Variants in CRABP2 observed in about 807,000 individuals in gnomAD.
CRABP2 encodes the protein cellular retinoic acid-binding protein 2.
A neutral mutation model predicts 17.9 loss-of-function variants in CRABP2; 20 were observed. The observed-to-expected ratio is 1.12, with a 90% CI of 0.79 to 1.63. The LOEUF (loss-of-function observed/expected upper bound fraction) is 1.63. CRABP2 is among the 40% of genes most tolerant of loss of function. CRABP2 has a pLI of 0.00. For missense variants in CRABP2, 151 were observed against 168.6 expected, an observed-to-expected ratio of 0.90 and a Z score of 0.58; for synonymous variants, 76 against 66.4, an observed-to-expected ratio of 1.14 and a Z score of -0.70.
intron 1 of CRABP2, among the ~76,000 whole-genome samples, chr1:156,701,634 G>GC (rs1648035540): frequency 6.6e-6 from 1 of 151,896 alleles, no homozygotes; most frequent in Non-Finnish European, 1.5e-5. Flanking sequence ...CCCAATTTCT[G>GC]CCCCACAGCA....
In CRABP2 at chr1:156,700,015, C is replaced by T. The variant is rs764336813; in HGVS notation, c.*11G>A. 5.4e-5 allele frequency: 87 copies of T among 1,612,268 alleles called. No homozygotes were observed. Among genetic ancestry groups the T allele is most frequent in the Non-Finnish European group, 7.0e-5 (82 of 1,179,254 alleles). On this transcript the variant is annotated 3_prime_UTR_variant, in exon 4 of 4. Coordinates refer to ENST00000368222, the MANE Select transcript of CRABP2 (RefSeq NM_001878.4). ...GTGGTGGGCTTCGGCCGCGGTTCTA[C>T]CTGTGGCCACTCACTCTCGGACGTA...
chr1:156,702,589 G>A (rs112027306), intron 1 of CRABP2, among the ~76,000 whole-genome samples: 6,941 of 151,558 alleles, frequency 0.046, 188 homozygotes, highest in African/African-American at 0.05. Context: ...CCTGACCAAC[G>A]TGGAGAAACC....
chr1:156,705,471 C>A lies in CRABP2; in HGVS notation c.-25G>T. The A allele has an allele frequency of 6.2e-7, 1 of 1,613,022 alleles. No homozygotes were observed. The highest frequency in any genetic ancestry group is 2.2e-5 in the East Asian group (1 of 44,880). ...TGGTGGCGGCGCGGGAGGCGGTCCCCGTAGACTCCTAGGCTGGAGCACTGG... is the reference window on the plus strand; with the variant it reads ...TGGTGGCGGCGCGGGAGGCGGTCCCAGTAGACTCCTAGGCTGGAGCACTGG... On this transcript the variant is annotated 5_prime_UTR_variant, in exon 1 of 4. Coordinates refer to ENST00000368222, the MANE Select transcript of CRABP2 (RefSeq NM_001878.4). This position sits in a 1 kb window ranked among gnomAD's most constrained non-coding sequence, Gnocchi z 5.2.
chr1:156,703,031 TAAAAAAAAAAAA>T (rs5778001), intron 1 of CRABP2, among the ~76,000 whole-genome samples: 2 of 86,206 alleles, frequency 2.3e-5, no homozygotes, highest in African/African-American at 9.1e-5. Context: ...ACCCTACCAC[TAAAAAAAAAAAA>T]AAAAAAAAAA....
chr1:156,702,868 T>C (rs1164227190), intron 1 of CRABP2, among the ~76,000 whole-genome samples: 1 of 144,318 alleles, frequency 6.9e-6, no homozygotes, highest in Non-Finnish European at 1.5e-5. Context: ...CAGGAAACAA[T>C]AGCTATGATT....
Position 156,700,079 on chromosome 1 carries a change from G to A in CRABP2, c.367-3C>T, listed in dbSNP as rs757882040. 58 of 1,613,420 alleles carry A rather than the reference G, an allele frequency of 3.6e-5. No homozygotes were observed. The highest frequency in any genetic ancestry group is 4.5e-5 in the Non-Finnish European group (53 of 1,179,658). ...ACAACGTCATCCGCCGTCATGGTCT[G>A]GAAGGACAGAAGTAGTTGTTAGCCT... On this transcript the variant is annotated splice_polypyrimidine_tract_variant and splice_region_variant and intron_variant, in intron 3 of 3. Transcript: ENST00000368222.
At chr1:156,705,651 G>T, upstream of CRABP2, 2 of 497,602 alleles carry the variant, frequency 4.0e-6, no homozygotes, top group Non-Finnish European at 7.1e-6. The surrounding 1 kb of genome is among the most constrained non-coding windows in gnomAD (Gnocchi z 5.2). Flanking sequence ...GATTGAAGTG[G>T]CCCCGCCTCC....
At chr1:156,700,322 C>T (rs1647989440) in intron 3 of CRABP2, among the ~76,000 whole-genome samples, 1 of 152,148 alleles carries the variant, frequency 6.6e-6, no homozygotes. Flanking sequence ...GCTGGGATCC[C>T]TCAGTACATG....
In CRABP2 at chr1:156,700,084, G is replaced by A. The variant is rs1647982765; in HGVS notation, c.367-8C>T. On this transcript the variant is annotated splice_polypyrimidine_tract_variant and splice_region_variant and intron_variant, in intron 3 of 3. Transcript: ENST00000368222. ...GTCATCCGCCGTCATGGTCTGGAAG[G>A]ACAGAAGTAGTTGTTAGCCTGAGAG... 2 of 1,613,054 alleles carry A rather than the reference G, an allele frequency of 1.2e-6. No homozygotes were observed. The highest frequency in any genetic ancestry group is 1.7e-5 in the Admixed American group (1 of 59,912).
chr1:156,699,814 C>A lies in CRABP2; in HGVS notation c.*212G>T. ...GTGAACCCGGAATGGGTGATCTGGG[C>A]TCTTGCAGCCATTCCTCTTTGTTGG... On this transcript the variant is annotated 3_prime_UTR_variant, in exon 4 of 4. Coordinates refer to ENST00000368222, the MANE Select transcript of CRABP2 (RefSeq NM_001878.4). 1.8e-6 allele frequency: 1 copy of A among 554,366 alleles called. No individual in the cohort carries two copies. The highest frequency in any genetic ancestry group is 3.2e-6 in the Non-Finnish European group (1 of 309,646). 34.3% of individuals were successfully genotyped at this position (554,366 alleles called of 1,614,324 possible).
Position 156,699,937 on chromosome 1 carries a change from G to A in CRABP2, c.*89C>T. The A allele has an allele frequency of 1.4e-6, 2 of 1,394,316 alleles. No homozygotes were observed. Among genetic ancestry groups the A allele is most frequent in the Non-Finnish European group, 9.9e-7 (1 of 1,005,210 alleles). 86.4% of individuals were successfully genotyped at this position (1,394,316 alleles called of 1,614,324 possible). On this transcript the variant is annotated 3_prime_UTR_variant, in exon 4 of 4. Transcript: ENST00000368222. The stretch of plus-strand genomic sequence containing the variant: ...CTGGGGTAAGGGGAGCGCTATCCTA[G>A]AAGGAGGGGGTGGGACGGAGGGGGC...
intron 1 of CRABP2, among the ~76,000 whole-genome samples, chr1:156,704,206 C>T (rs1648127184): frequency 6.6e-6 from 1 of 152,212 alleles, no homozygotes; most frequent in African/African-American, 2.4e-5. Flanking sequence ...ACTGATATGA[C>T]TCCAAGAAGT....
chr1:156,704,246 G>A lies in CRABP2; in HGVS notation c.70+1131C>T, dbSNP rs539121983. 9.2e-5 allele frequency among the ~76,000 whole-genome samples: 14 copies of A among 152,250 alleles called. No homozygotes were observed. The South Asian group carries it at 2.3e-3, about 25-fold the overall frequency. Reference sequence around the variant, plus strand: ...TGGTTAGATCGCAGGAAGAACTAACGGCAAGGACTGATGGAGATCCCTGCT... The same window carrying A: ...TGGTTAGATCGCAGGAAGAACTAACAGCAAGGACTGATGGAGATCCCTGCT... On this transcript the variant is annotated intron_variant, in intron 1 of 3. Transcript: ENST00000368222.
chr1:156,701,802 C>G (rs888466740), intron 1 of CRABP2, among the ~76,000 whole-genome samples: 2 of 152,106 alleles, frequency 1.3e-5, no homozygotes, highest in Admixed American at 1.3e-4. Flanking sequence ...CCACCCTGAG[C>G]CTTAGATTCC....
In CRABP2 at chr1:156,705,564, C is replaced by T; in HGVS notation, c.-118G>A. Reference sequence around the variant, plus strand: ...GTCAGGTTCTGGAACCAAGACAAGTCCAGGGACAACCCCAAAGCTGGCCTG... The same window carrying T: ...GTCAGGTTCTGGAACCAAGACAAGTTCAGGGACAACCCCAAAGCTGGCCTG... On this transcript the variant is annotated 5_prime_UTR_variant, in exon 1 of 4. Transcript: ENST00000368222. This position sits in a 1 kb window ranked among gnomAD's most constrained non-coding sequence, Gnocchi z 5.2. 9.0e-7 allele frequency: 1 copy of T among 1,109,164 alleles called. No individual in the cohort carries two copies. Among genetic ancestry groups the T allele is most frequent in the South Asian group, 1.3e-5 (1 of 77,122 alleles). 68.7% of individuals were successfully genotyped at this position (1,109,164 alleles called of 1,614,324 possible). A position where few individuals can be genotyped will look rare whatever the true frequency, so the allele number is the denominator to read the frequency against.
chr1:156,699,654 A>G lies in CRABP2; in HGVS notation c.*372T>C, dbSNP rs561315770. 18 of 200,624 alleles carry G rather than the reference A, an allele frequency of 9.0e-5. No homozygotes were observed. In the East Asian group the frequency reaches 1.9e-3, roughly 21 times the overall value. 12.4% of individuals were successfully genotyped at this position (200,624 alleles called of 1,614,324 possible). A position where few individuals can be genotyped will look rare whatever the true frequency, so the allele number is the denominator to read the frequency against. On this transcript the variant is annotated 3_prime_UTR_variant, in exon 4 of 4. Transcript: ENST00000368222. ...ATAAAATTAACAAATAAATATTCTA[A>G]ACTGTATAGGCTACAGGGACAAAGG...
chr1:156,700,106 AGAG>A, intron 3 of CRABP2, 30 bp from the exon 4 acceptor site: 1 of 1,610,038 alleles, frequency 6.2e-7, no homozygotes, highest in Non-Finnish European at 8.5e-7. Flanking sequence ...TGTTAGCCTG[AGAG>A]GCCCCTGGGG....
upstream of CRABP2, chr1:156,705,663 G>C: frequency 2.1e-6 from 1 of 474,290 alleles, no homozygotes; most frequent in Admixed American, 3.4e-5. This position sits in a 1 kb window ranked among gnomAD's most constrained non-coding sequence, Gnocchi z 5.2. Flanking sequence ...CCCGCCTCCC[G>C]CTCCGCCCCC....
At chr1:156,705,670 C>T (rs535349449), upstream of CRABP2, 96 of 482,984 alleles carry the variant, frequency 2.0e-4, no homozygotes, top group South Asian at 9.9e-4. This position sits in a 1 kb window ranked among gnomAD's most constrained non-coding sequence, Gnocchi z 5.2. Flanking sequence ...CCCGCTCCGC[C>T]CCCCCCCACC....
Sources: allele counts gnomAD v4.1 joint callset (sites outside exome capture counted in the v4.1 genomes callset), GRCh38; gene constraint gnomAD v4.1.1; non-coding constraint Gnocchi (gnomAD v3.1); transcripts MANE v1.5; gene names NCBI Gene and HGNC (gene_info 2026-07-23, HGNC 2026-07-21).